The following DNAH10 variants were observed in gnomAD, a reference collection of about 807,000 sequenced individuals.
DNAH10 encodes axonemal beta dynein heavy chain 10.
In DNAH10, 348 loss-of-function variants were observed where a neutral mutation model predicts 506.6. The observed-to-expected ratio is 0.69, with a 90% CI of 0.63 to 0.75. DNAH10 has a LOEUF of 0.75. Ranked by LOEUF, DNAH10 falls within the 30% of genes least tolerant of loss-of-function variation. DNAH10 has a pLI of 0.00. For missense variants in DNAH10, 5,179 were observed against 5,787.1 expected (o/e 0.89, Z 3.41); for synonymous variants, 2,059 against 2,198.6 (o/e 0.94, Z 1.78).
At chr12:123,910,122 T>C (rs886248073) in intron 58 of DNAH10, among the ~76,000 whole-genome samples, 1 of 152,238 alleles carries the variant, frequency 6.6e-6, no homozygotes, top group Non-Finnish European at 1.5e-5. Context: ...CCCCAACCAC[T>C]ACAAAAACCC....
At chr12:123,840,805 G>C (rs1594163383) in intron 29 of DNAH10, among the ~76,000 whole-genome samples, 1 of 152,106 alleles carries the variant, frequency 6.6e-6, no homozygotes, top group East Asian at 1.9e-4. Context: ...CAAATGCCAA[G>C]TGTTTAACAA....
chr12:123,906,360 G>T (rs1953782079), intron 57 of DNAH10, among the ~76,000 whole-genome samples: 1 of 152,096 alleles, frequency 6.6e-6, no homozygotes, highest in African/African-American at 2.4e-5. Flanking sequence ...TCCTGCCTCA[G>T]CCTCACAAGT....
chr12:123,818,898 C>A, intron 21 of DNAH10, 52 bp from the exon 22 acceptor site: 1 of 1,284,424 alleles, frequency 7.8e-7, no homozygotes, highest in Non-Finnish European at 1.1e-6. Flanking sequence ...AATTTCAATT[C>A]CAAATTGCTC....
chr12:123,769,582 A>C (rs1957173725), intron 2 of DNAH10, among the ~76,000 whole-genome samples: 3 of 152,188 alleles, frequency 2.0e-5, no homozygotes, highest in South Asian at 4.1e-4. Flanking sequence ...TACATCCATG[A>C]AGAGGACAGG....
Position 123,845,886 on chromosome 12 carries a change from G to A in DNAH10, c.5630+17G>A, listed in dbSNP as rs771448311. The A allele has an allele frequency of 2.1e-5, 34 of 1,612,992 alleles. No individual in the cohort carries two copies. The South Asian group carries it at 3.3e-4, about 16-fold the overall frequency. ...AAGAGGCAGGTGAGCATTTTCCGGG[G>A]TCACTGGCATTTCAAAAGGGACCCT... On this transcript the variant is annotated intron_variant, in intron 31 of 78. Coordinates refer to ENST00000673944, the MANE Select transcript of DNAH10 (RefSeq NM_001372106.1).
At chr12:123,875,838 G>T (rs1952233694) in intron 47 of DNAH10, among the ~76,000 whole-genome samples, 1 of 152,132 alleles carries the variant, frequency 6.6e-6, no homozygotes, top group Non-Finnish European at 1.5e-5. Flanking sequence ...GTCCCCTTCT[G>T]CTCCGGGAGC....
chr12:123,826,937 G>A, intron 25 of DNAH10, 39 bp downstream of exon 25: 1 of 1,550,054 alleles, frequency 6.5e-7, no homozygotes, highest in Non-Finnish European at 8.7e-7. Flanking sequence ...AAAAGTGTGG[G>A]AGGAGCTTTT....
In DNAH10 at chr12:123,830,644, C is replaced by G. The variant is rs1960447853; in HGVS notation, c.4490C>G (p.Thr1497Arg). Reference sequence around the variant, plus strand: ...TTTGCTATGGAACTGCACAAACACACAGATGTTCTCAATGAGATTGTCACA... The same window carrying G: ...TTTGCTATGGAACTGCACAAACACAGAGATGTTCTCAATGAGATTGTCACA... ...NMFAMELHKH[T>R]DVLNEIVTAA... is the part of the protein sequence containing the mutation. Residue 1497 changes from threonine to arginine, a missense_variant, in exon 26 of 79, where the codon ACA becomes AGA. Transcript: ENST00000673944. The G allele has an allele frequency of 6.2e-7, 1 of 1,613,782 alleles. No individual in the cohort carries two copies. The highest frequency in any genetic ancestry group is 1.7e-5 in the Admixed American group (1 of 59,998).
chr12:123,915,303 AG>A (rs1954426095), intron 62 of DNAH10, among the ~76,000 whole-genome samples: 1 of 151,376 alleles, frequency 6.6e-6, no homozygotes, highest in African/African-American at 2.4e-5. Flanking sequence ...TATTTTTTGG[AG>A]CTGAGGTGGG....
rs374359399 is a variant in DNAH10 at position 123,825,785 on chromosome 12, G to C, written c.4180-902G>C. ...CAAAACTTTGCAGATTGTACCTTTAGTTATGGACAGCTTATTATATACCAG... is the reference window on the plus strand; with the variant it reads ...CAAAACTTTGCAGATTGTACCTTTACTTATGGACAGCTTATTATATACCAG... On this transcript the variant is annotated intron_variant, in intron 24 of 78. Coordinates refer to ENST00000673944, the MANE Select transcript of DNAH10 (RefSeq NM_001372106.1). Among the ~76,000 whole-genome samples, 162 of 152,258 alleles carry C rather than the reference G, an allele frequency of 1.1e-3. 1 individual carries two copies. The highest frequency in any genetic ancestry group is 3.0e-3 in the African/African-American group (126 of 41,534).
chr12:123,934,899 T>C (rs1030835255), intron 78 of DNAH10, 133 bp downstream of exon 78: 32 of 1,235,220 alleles, frequency 2.6e-5, no homozygotes, highest in Non-Finnish European at 3.0e-5. Flanking sequence ...GGGAGAGTCT[T>C]GGAGCCGTGA....
At chr12:123,918,219 A>G (rs1954571161) in intron 64 of DNAH10, among the ~76,000 whole-genome samples, 2 of 152,240 alleles carry the variant, frequency 1.3e-5, no homozygotes, top group South Asian at 4.1e-4. Flanking sequence ...CCACATGGTC[A>G]TAAGACTGGT....
rs896985855 is a variant in DNAH10, at chr12:123,907,645, G to T, written c.9816-1616G>T. On this transcript the variant is annotated intron_variant, in intron 57 of 78. Transcript: ENST00000673944. The surrounding 1 kb of genome is among the most constrained non-coding windows in gnomAD (Gnocchi z 4.4). ...GATGGGGAAACTGACGCCCTGGCTG[G>T]TTCCTAACTTGCCCAAGGGCTCAGG... Among the ~76,000 whole-genome samples the T allele has an allele frequency of 2.0e-5, 3 of 152,132 alleles. No individual in the cohort carries two copies. Among genetic ancestry groups the T allele is most frequent in the Non-Finnish European group, 1.5e-5 (1 of 68,018 alleles).
At position 123,926,802 on chromosome 12, in the gene DNAH10, G is replaced by A; in HGVS notation, c.12087G>A (p.Met4029Ile). 6.2e-7 allele frequency: 1 copy of A among 1,613,906 alleles called. No homozygotes were observed. The highest frequency in any genetic ancestry group is 8.5e-7 in the Non-Finnish European group (1 of 1,179,874). Residue 4029 changes from methionine (M) to isoleucine (I), a missense_variant, in exon 69 of 79, where the codon ATG becomes ATA. Met to Ile is a conservative substitution (Grantham distance 10). This residue lies in a region of DNAH10 where 4,844 missense variants were observed against 5,430.5 expected (regional missense o/e 0.89). Transcript: ENST00000673944. The surrounding 1 kb of genome is among the most constrained non-coding windows in gnomAD (Gnocchi z 4.1). ...FGGNRLKFLAMGQGQEKVALQ... is the reference protein window; with the variant it reads ...FGGNRLKFLAIGQGQEKVALQ... Reference sequence around the variant, plus strand: ...GAAATCGCCTCAAATTCCTTGCAATGGGTCAAGGTCAAGAAAAGGTAATTT... The same window carrying A: ...GAAATCGCCTCAAATTCCTTGCAATAGGTCAAGGTCAAGAAAAGGTAATTT...
At position 123,855,649 on chromosome 12, in the gene DNAH10, AT is replaced by A. The variant is rs151169270; in HGVS notation, c.6439-1406del. 3.7e-3 allele frequency among the ~76,000 whole-genome samples: 554 copies of A among 148,078 alleles called. 8 individuals carry two copies. The highest frequency in any genetic ancestry group is 8.0e-3 in the African/African-American group (322 of 40,008). The stretch of plus-strand genomic sequence containing the variant: ...ACCCTGTCTCAAAAAAAAAAAAAAA[AT>A]AATAATAAAAAGTATATATATATAT... On this transcript the variant is annotated intron_variant, in intron 36 of 78. Transcript: ENST00000673944.
Position 123,881,705 on chromosome 12 carries a change from G to C in DNAH10, c.8715G>C (p.Arg2905=). Reference sequence around the variant, plus strand: ...ACGATGCTCTGGAGCATTTAACCCGGGTGCACCGTATCATCCGCATGGACC... The same window carrying C: ...ACGATGCTCTGGAGCATTTAACCCGCGTGCACCGTATCATCCGCATGGACC... ...LFDDALEHLT[R]VHRIIRMDRG... The change falls in exon 51 of 79, where the codon CGG becomes CGC. Residue 2905 remains arginine (R), a synonymous_variant. Transcript: ENST00000673944. The C allele has an allele frequency of 6.5e-7, 1 of 1,550,078 alleles. No individual in the cohort carries two copies. The highest frequency in any genetic ancestry group is 8.7e-7 in the Non-Finnish European group (1 of 1,146,476).
In DNAH10 at chr12:123,926,574, G is replaced by C. The variant is rs754809377; in HGVS notation, c.11922-63G>C. 1.8e-4 allele frequency: 287 copies of C among 1,563,484 alleles called. No homozygotes were observed. The highest frequency in any genetic ancestry group is 1.6e-3 in the Middle Eastern group (7 of 4,488). ...CGGAGGAGGCAGCGCTGATCAGACA[G>C]ACCAGCCCCTGGTCTGGAGCTGTCC... On this transcript the variant is annotated intron_variant, in intron 68 of 78. Transcript: ENST00000673944. This position sits in a 1 kb window ranked among gnomAD's most constrained non-coding sequence, Gnocchi z 4.1.
intron 72 of DNAH10, chr12:123,929,975 G>A (rs762759970): frequency 9.9e-6 from 6 of 604,732 alleles, no homozygotes; most frequent in Non-Finnish European, 1.5e-5. Flanking sequence ...CCATGGCTGG[G>A]GATCCAGGCA....
At chr12:123,931,103 T>C (rs879322340) in intron 73 of DNAH10, among the ~76,000 whole-genome samples, 2 of 152,058 alleles carry the variant, frequency 1.3e-5, no homozygotes, top group African/African-American at 4.8e-5. Flanking sequence ...TAGTACCAGC[T>C]ACTTGGGAGG....
Sources: allele counts gnomAD v4.1 joint callset (sites outside exome capture counted in the v4.1 genomes callset), GRCh38; gene constraint gnomAD v4.1.1; regional missense constraint gnomAD v4.1.1; non-coding constraint Gnocchi (gnomAD v3.1); transcripts MANE v1.5; gene names NCBI Gene and HGNC (gene_info 2026-07-23, HGNC 2026-07-21).